The following MBD5 variants were observed in gnomAD, a reference collection of about 807,000 sequenced individuals.
MBD5 encodes methyl-CpG-binding domain protein 5.
In MBD5, 13 loss-of-function variants were observed where a neutral mutation model predicts 117.3. The observed-to-expected ratio is 0.11, with a 90% confidence interval of 0.07 to 0.18. The LOEUF (loss-of-function observed/expected upper bound fraction) is 0.18. MBD5 is among the 10% of genes least tolerant of loss of function. MBD5 has a pLI of 1.00. For synonymous variants in MBD5, 727 were observed against 766.4 expected (o/e 0.95, Z 0.85); for missense variants, 1,879 against 2,093.8 (o/e 0.90, Z 2.00).
chr2:148,426,696 A>G (rs1574412276), intron 4 of MBD5, among the ~76,000 whole-genome samples: 1 of 152,308 alleles, frequency 6.6e-6, no homozygotes, highest in African/African-American at 2.4e-5. Context: ...AACCATCAAA[A>G]CCCTAGAAGA....
intron 1 of MBD5, among the ~76,000 whole-genome samples, chr2:148,082,543 C>T (rs534418753): frequency 1.3e-4 from 20 of 152,224 alleles, no homozygotes; most frequent in African/African-American, 4.8e-4. Flanking sequence ...TTCAGTTATT[C>T]ATCAGATATT....
At chr2:148,189,113 C>T (rs944898994) in intron 2 of MBD5, among the ~76,000 whole-genome samples, 5 of 143,988 alleles carry the variant, frequency 3.5e-5, no homozygotes, top group African/African-American at 7.9e-5. Flanking sequence ...CCTACGCCCA[C>T]GGAATCTCGC....
chr2:148,123,844 C>T (rs1179901664), intron 1 of MBD5, among the ~76,000 whole-genome samples: 1 of 152,076 alleles, frequency 6.6e-6, no homozygotes, highest in Admixed American at 6.5e-5. Flanking sequence ...CCATAGAACA[C>T]ATAGGAAAAC....
intron 4 of MBD5, among the ~76,000 whole-genome samples, chr2:148,370,742 G>A (rs1185959534): frequency 6.6e-6 from 1 of 152,182 alleles, no homozygotes; most frequent in Non-Finnish European, 1.5e-5. Context: ...GCCTGCCTCA[G>A]CCTCCCAGAT....
At chr2:148,109,866 T>C (rs548972767) in intron 1 of MBD5, among the ~76,000 whole-genome samples, 2 of 152,278 alleles carry the variant, frequency 1.3e-5, no homozygotes, top group South Asian at 4.1e-4. Flanking sequence ...CAATAAGTTA[T>C]ATGGTTAAAA....
intron 1 of MBD5, among the ~76,000 whole-genome samples, chr2:148,130,937 A>G (rs1004757442): frequency 6.6e-6 from 1 of 152,212 alleles, no homozygotes; most frequent in Admixed American, 6.5e-5. Context: ...TGGGCACTTA[A>G]TAAGTGAAGC....
chr2:148,374,489 A>G (rs1437033056), intron 4 of MBD5, among the ~76,000 whole-genome samples: 1 of 152,274 alleles, frequency 6.6e-6, no homozygotes, highest in Admixed American at 6.5e-5. Context: ...TATTACTTCC[A>G]TAAATTATAG....
intron 2 of MBD5, among the ~76,000 whole-genome samples, chr2:148,231,214 A>G (rs1367124880): frequency 4.6e-5 from 7 of 152,184 alleles, no homozygotes; most frequent in Non-Finnish European, 7.3e-5. Flanking sequence ...GGCTTGCAGG[A>G]ACTCAAGTTT....
intron 3 of MBD5, among the ~76,000 whole-genome samples, chr2:148,288,725 T>A (rs1701427810): frequency 1.3e-5 from 2 of 152,072 alleles, no homozygotes; most frequent in South Asian, 4.1e-4. Context: ...GGATACTTTG[T>A]TAGAAGTGAG....
At chr2:148,369,338 T>G (rs898910164) in intron 4 of MBD5, among the ~76,000 whole-genome samples, 4 of 152,160 alleles carry the variant, frequency 2.6e-5, no homozygotes, top group Admixed American at 2.0e-4. Context: ...AGGGCATTGT[T>G]GGGACAATTA....
In MBD5 at chr2:148,458,851, A is replaced by G. The variant is rs1403855562; in HGVS notation, c.93A>G (p.Gln31=). ...TGGGTTGGCAGCGTCGTGTGGATCA[A>G]AATGGAGTGCTTTATGTCAGGTAAG... ...VPVGWQRRVD[Q]NGVLYVSPSG... The change falls in exon 5 of 14, where the codon CAA becomes CAG. Residue 31 remains glutamine (Q), a synonymous_variant. Transcript: ENST00000642680. The G allele has an allele frequency of 6.2e-7, 1 of 1,613,458 alleles. No homozygotes were observed. The highest frequency in any genetic ancestry group is 1.3e-5 in the African/African-American group (1 of 74,954).
intron 11 of MBD5, among the ~76,000 whole-genome samples, chr2:148,495,293 TATTTAA>T (rs1376290219): frequency 6.6e-6 from 1 of 152,230 alleles, no homozygotes; most frequent in Non-Finnish European, 1.5e-5. Context: ...TTTCAATAAC[TATTTAA>T]ATTTAAAGAA....
intron 1 of MBD5, chr2:148,026,991 A>C (rs1351637103): frequency 6.6e-6 from 1 of 152,188 alleles, no homozygotes; most frequent in Non-Finnish European, 1.5e-5. Flanking sequence ...AACTTCCTTT[A>C]ACTTGTGTGG....
chr2:148,345,102 T>A (rs1385222862), intron 4 of MBD5, among the ~76,000 whole-genome samples: 2 of 151,674 alleles, frequency 1.3e-5, no homozygotes, highest in Non-Finnish European at 2.9e-5. Context: ...GTCTTCAAGA[T>A]GTTGATAATG....
chr2:148,388,863 G>T (rs1704461460), intron 4 of MBD5, among the ~76,000 whole-genome samples: 1 of 151,774 alleles, frequency 6.6e-6, no homozygotes, highest in African/African-American at 2.4e-5. Context: ...TAATTTCAGG[G>T]GATACATGTA....
Position 148,021,495 on chromosome 2 carries a change from GCTA to G in MBD5, c.-1111_-1109del, listed in dbSNP as rs889486657. On this transcript the variant is annotated 5_prime_UTR_variant, in exon 1 of 14. Transcript: ENST00000642680. ...TGCTGCTGCTGTTGCTGCTGCTGCT[GCTA>G]CTGCTGCTGCTGCTACTGCTGCTGC... The G allele has an allele frequency of 3.0e-5, 17 of 576,100 alleles. No homozygotes were observed. The Admixed American group carries it at 3.5e-4, about 12-fold the overall frequency. 35.7% of individuals were successfully genotyped at this position (576,100 alleles called of 1,614,324 possible).
At chr2:148,053,923 T>A (rs199832738) in intron 1 of MBD5, 2 of 134,330 alleles carry the variant, frequency 1.5e-5, no homozygotes, top group Non-Finnish European at 3.3e-5. Context: ...TTTTTTTTTT[T>A]CTATGACAGG....
chr2:148,218,731 TA>T (rs1414149573), intron 2 of MBD5, among the ~76,000 whole-genome samples: 3 of 152,158 alleles, frequency 2.0e-5, no homozygotes, highest in Non-Finnish European at 4.4e-5. Context: ...AATTACAACA[TA>T]ATGGTATTTG....
At chr2:148,254,001 A>G (rs563640609) in intron 3 of MBD5, among the ~76,000 whole-genome samples, 12 of 152,312 alleles carry the variant, frequency 7.9e-5, no homozygotes, top group Non-Finnish European at 1.6e-4. Context: ...GCTCTAGGCC[A>G]GGGGCACCCT....
Sources: gnomAD v4.1 joint callset for allele counts (sites outside exome capture counted in the v4.1 genomes callset) on GRCh38, gnomAD v4.1.1 for gene constraint, MANE v1.5 for transcripts, NCBI Gene and HGNC (gene_info 2026-07-23, HGNC 2026-07-21) for gene names.